Variants in SGMS1 observed in about 807,000 individuals in gnomAD.
SGMS1 encodes the protein phosphatidylcholine:ceramide cholinephosphotransferase 1.
In SGMS1, 13 loss-of-function variants were observed where a neutral mutation model predicts 46.2. That is an observed-to-expected ratio of 0.28 (90% CI 0.18 to 0.45). The LOEUF is 0.45. Among genes scored for constraint, SGMS1 ranks in the 20% least tolerant of loss-of-function variants. The probability of loss-of-function intolerance (pLI) is 1.00; values close to 1 mark genes in which losing one functional copy is unlikely to be tolerated. For missense variants in SGMS1, 324 were observed against 519.9 expected (o/e 0.62, Z 3.66); for synonymous variants, 203 against 187.8 (o/e 1.08, Z -0.66).
rs1304471795 is a variant in SGMS1 at position 50,590,136 on chromosome 10, T to G, written c.-589+17A>C. 6 of 152,356 alleles carry G rather than the reference T, an allele frequency of 3.9e-5. No individual in the cohort carries two copies. The highest frequency in any genetic ancestry group is 1.2e-4 in the African/African-American group (5 of 41,462). The allele number at this position is 152,356 out of a possible 1,614,324, so 9.4% of individuals were successfully genotyped here. A position where few individuals can be genotyped will look rare whatever the true frequency, so the allele number is the denominator to read the frequency against. On this transcript the variant is annotated intron_variant, in intron 2 of 10. Transcript: ENST00000361781. ...AAATGTTTTACAATAAAAAGCTGCA[T>G]AGAAATATTTACTTACCTTTCAAAT...
chr10:50,580,643 G>T (rs1430627186), intron 2 of SGMS1, among the ~76,000 whole-genome samples: 2 of 152,166 alleles, frequency 1.3e-5, no homozygotes, highest in Non-Finnish European at 2.9e-5. Context: ...GAGTTCAGTG[G>T]CTCTCACACT....
intron 5 of SGMS1, among the ~76,000 whole-genome samples, chr10:50,435,757 AAC>A (rs1196389472): frequency 1.3e-5 from 2 of 152,200 alleles, no homozygotes; most frequent in Non-Finnish European, 2.9e-5. Context: ...GTTAAAAACA[AAC>A]AAACAAACAA....
intron 5 of SGMS1, among the ~76,000 whole-genome samples, chr10:50,437,334 G>A (rs1849487433): frequency 6.6e-6 from 1 of 152,218 alleles, no homozygotes; most frequent in Admixed American, 6.5e-5. Flanking sequence ...GAAGCAAAAT[G>A]AGAGTGGCAG....
At chr10:50,592,297 T>A (rs1838549193) in intron 1 of SGMS1, among the ~76,000 whole-genome samples, 1 of 152,234 alleles carries the variant, frequency 6.6e-6, no homozygotes, top group South Asian at 2.1e-4. Context: ...GTTGTTAACA[T>A]TAAAACAAGT....
At chr10:50,534,300 A>C (rs1390370900) in intron 2 of SGMS1, among the ~76,000 whole-genome samples, 2 of 152,228 alleles carry the variant, frequency 1.3e-5, no homozygotes, top group East Asian at 3.8e-4. Context: ...AAAAGAAGTT[A>C]AAATATAGTA....
At chr10:50,546,817 C>A (rs1050096053) in intron 2 of SGMS1, among the ~76,000 whole-genome samples, 1 of 151,994 alleles carries the variant, frequency 6.6e-6, no homozygotes, top group African/African-American at 2.4e-5. Context: ...CGCATGTATA[C>A]ATATGTAACA....
intron 3 of SGMS1, among the ~76,000 whole-genome samples, chr10:50,501,018 C>G (rs964783151): frequency 2.0e-5 from 3 of 152,176 alleles, no homozygotes; most frequent in African/African-American, 7.2e-5. Context: ...GCTGGGAAGA[C>G]ACAGGGTCAC....
chr10:50,382,684 C>T (rs761346419), intron 6 of SGMS1, among the ~76,000 whole-genome samples: 25 of 151,634 alleles, frequency 1.6e-4, no homozygotes, highest in African/African-American at 4.4e-4. Context: ...AGGGACCCAG[C>T]GAGCTGACAG....
chr10:50,438,464 A>C (rs1486422221), intron 5 of SGMS1, among the ~76,000 whole-genome samples: 1 of 152,176 alleles, frequency 6.6e-6, no homozygotes, highest in Admixed American at 6.6e-5. Flanking sequence ...CCTGCCAATC[A>C]CACGGGCTTG....
chr10:50,473,625 A>G (rs975820103), intron 3 of SGMS1, among the ~76,000 whole-genome samples: 1 of 152,248 alleles, frequency 6.6e-6, no homozygotes, highest in Admixed American at 6.5e-5. Flanking sequence ...AGACTAAAAT[A>G]TAAAACCAAA....
At chr10:50,499,302 A>T (rs1837641801) in intron 3 of SGMS1, among the ~76,000 whole-genome samples, 1 of 152,218 alleles carries the variant, frequency 6.6e-6, no homozygotes, top group East Asian at 1.9e-4. Flanking sequence ...TCCATTTCTT[A>T]AAGTTCTTGG....
At chr10:50,460,538 T>C (rs1056939424) in intron 5 of SGMS1, 135 bp downstream of exon 5, 2 of 152,214 alleles carry the variant, frequency 1.3e-5, no homozygotes, top group African/African-American at 4.8e-5. Flanking sequence ...CACCAGGTAT[T>C]TCAGGCCTGA....
intron 6 of SGMS1, among the ~76,000 whole-genome samples, chr10:50,361,131 T>C (rs1232748044): frequency 6.6e-6 from 1 of 152,140 alleles, no homozygotes; most frequent in Non-Finnish European, 1.5e-5. Flanking sequence ...AGCAGGGGAT[T>C]TTGAAAGCAT....
intron 2 of SGMS1, among the ~76,000 whole-genome samples, chr10:50,522,327 T>C (rs376494648): frequency 6.6e-6 from 1 of 151,806 alleles, no homozygotes; most frequent in East Asian, 1.9e-4. Flanking sequence ...CTTTCTGATA[T>C]TAAAAAAAAA....
intron 6 of SGMS1, among the ~76,000 whole-genome samples, chr10:50,348,035 T>A (rs111254286): frequency 6.6e-6 from 1 of 151,948 alleles, no homozygotes; most frequent in South Asian, 2.1e-4. Context: ...CCTTTCCCCC[T>A]ACCCTATGAC....
chr10:50,457,658 G>A (rs1142039), intron 5 of SGMS1, among the ~76,000 whole-genome samples: 15 of 152,228 alleles, frequency 9.9e-5, no homozygotes, highest in African/African-American at 3.6e-4. Context: ...AAGTGAGAAC[G>A]TGTGCTTTTT....
intron 4 of SGMS1, among the ~76,000 whole-genome samples, chr10:50,462,622 T>C (rs1236855100): frequency 6.6e-6 from 1 of 152,218 alleles, no homozygotes; most frequent in East Asian, 1.9e-4. Context: ...ATAAAGTCCT[T>C]TTAAATATTA....
upstream of SGMS1, chr10:50,625,043 T>A: frequency 1.0e-6 from 1 of 1,001,948 alleles, no homozygotes; most frequent in African/African-American, 1.7e-5. Context: ...CATCGGGCTT[T>A]GGGCGCCGGA....
intron 4 of SGMS1, among the ~76,000 whole-genome samples, chr10:50,464,353 T>C (rs1280837865): frequency 6.6e-6 from 1 of 152,112 alleles, no homozygotes; most frequent in African/African-American, 2.4e-5. Context: ...AGCCAAGAAA[T>C]GCAGCCAGCA....
Sources: gnomAD v4.1 joint callset for allele counts (sites outside exome capture counted in the v4.1 genomes callset) on GRCh38, gnomAD v4.1.1 for gene constraint, MANE v1.5 for transcripts, NCBI Gene and HGNC (gene_info 2026-07-23, HGNC 2026-07-21) for gene names.